LMO7: variants seen among roughly 807,000 people sequenced by gnomAD.
LMO7 encodes LIM domain only protein 7.
A neutral mutation model predicts 206.5 loss-of-function variants in LMO7; 120 were observed. That is an observed-to-expected ratio of 0.58 (90% confidence interval 0.50 to 0.68). The LOEUF is 0.68. Among genes scored for constraint, LMO7 ranks in the 30% least tolerant of loss-of-function variants. The pLI is 0.00. For missense variants in LMO7, 1,959 were observed against 1,957.9 expected, an observed-to-expected ratio of 1.00 and a Z score of -0.01; for synonymous variants, 706 against 681.5, an observed-to-expected ratio of 1.04 and a Z score of -0.56.
At chr13:75,624,600 TA>T (rs1279799206) in intron 2 of LMO7, among the ~76,000 whole-genome samples, 15 of 152,330 alleles carry the variant, frequency 9.8e-5, no homozygotes, top group African/African-American at 3.6e-4. Context: ...GAAAGAGGTT[TA>T]ATGGACTTAC....
At chr13:75,734,689 A>G (rs1242577727) in intron 3 of LMO7, among the ~76,000 whole-genome samples, 3 of 152,236 alleles carry the variant, frequency 2.0e-5, no homozygotes, top group African/African-American at 7.2e-5. Context: ...TCAAAATAAA[A>G]TATACATAAA....
intron 30 of LMO7, chr13:75,856,855 T>A (rs1343026740): frequency 5.5e-6 from 2 of 361,022 alleles, no homozygotes; most frequent in African/African-American, 4.2e-5. Context: ...AAAGTCAGGA[T>A]GGTGTCTTGT....
rs185108401 is a variant in LMO7, at chr13:75,849,241, G to A, written c.4313G>A (p.Arg1438His). The change falls in exon 27 of 31, where the codon CGC (arginine) becomes CAC (histidine). Residue 1438 changes from arginine (R) to histidine (H), a missense_variant. Arg to His is a conservative substitution (Grantham distance 29, BLOSUM62 0). Transcript: ENST00000377534. ...LHNDNSWIRQ[R>H]SASVNKEPVS... is the part of the protein sequence containing the mutation. ...AATGACAACAGCTGGATCCGACAGC[G>A]CAGTGCCAGTGTCAACAAAGAGCCT... 1.8e-5 allele frequency: 29 copies of A among 1,614,114 alleles called. No individual in the cohort carries two copies. The East Asian group carries it at 2.7e-4, about 15-fold the overall frequency.
intron 4 of LMO7, among the ~76,000 whole-genome samples, chr13:75,769,989 A>G (rs145028988): frequency 1.3e-5 from 2 of 152,104 alleles, no homozygotes; most frequent in Non-Finnish European, 2.9e-5. Flanking sequence ...AGAAATAAAA[A>G]TCTCTAACCC....
At chr13:75,849,570 A>G (rs181265923) in intron 27 of LMO7, among the ~76,000 whole-genome samples, 74 of 151,634 alleles carry the variant, frequency 4.9e-4, no homozygotes, top group Non-Finnish European at 9.1e-4. Flanking sequence ...TGGTTAATAG[A>G]TTGCAAATCT....
intron 17 of LMO7, 92 bp from the exon 18 acceptor site, chr13:75,835,141 G>A (rs2059016599): frequency 1.9e-6 from 3 of 1,552,496 alleles, no homozygotes; most frequent in South Asian, 2.5e-5. Context: ...TGATCTTCAT[G>A]TGCCAATCAG....
intron 1 of LMO7, among the ~76,000 whole-genome samples, chr13:75,647,001 C>G (rs2037084904): frequency 6.6e-6 from 1 of 152,158 alleles, no homozygotes; most frequent in Admixed American, 6.5e-5. Flanking sequence ...CCATTATCTT[C>G]CCTTGTCACT....
At chr13:75,700,689 C>T (rs2042229328) in intron 1 of LMO7, among the ~76,000 whole-genome samples, 1 of 152,182 alleles carries the variant, frequency 6.6e-6, no homozygotes, top group Non-Finnish European at 1.5e-5. Flanking sequence ...TGGTCAACAG[C>T]CGATCTGCAA....
intron 4 of LMO7, among the ~76,000 whole-genome samples, chr13:75,778,357 C>CG (rs1253638801): frequency 6.6e-6 from 1 of 152,038 alleles, no homozygotes; most frequent in Non-Finnish European, 1.5e-5. Context: ...CTCAGCCTCC[C>CG]GAGTAGCTGG....
At chr13:75,751,382 G>A (rs530789845) in intron 3 of LMO7, among the ~76,000 whole-genome samples, 1 of 151,910 alleles carries the variant, frequency 6.6e-6, no homozygotes, top group East Asian at 1.9e-4. Context: ...GGATGGTTTC[G>A]ATCTCCTGAC....
chr13:75,699,899 A>T (rs944516963), intron 1 of LMO7, among the ~76,000 whole-genome samples: 21 of 152,186 alleles, frequency 1.4e-4, no homozygotes, highest in Non-Finnish European at 1.8e-4. Flanking sequence ...GGCGTATTTT[A>T]TCCCTTATCT....
intron 3 of LMO7, among the ~76,000 whole-genome samples, chr13:75,748,487 G>A (rs2047026963): frequency 6.6e-6 from 1 of 152,166 alleles, no homozygotes; most frequent in Non-Finnish European, 1.5e-5. Flanking sequence ...AAGATAATTA[G>A]CATAAAGTGG....
intron 1 of LMO7, among the ~76,000 whole-genome samples, chr13:75,705,241 A>G (rs1267991338): frequency 6.6e-6 from 1 of 152,206 alleles, no homozygotes; most frequent in Admixed American, 6.5e-5. Context: ...CTTTTTTCCC[A>G]GAGGAGTCGA....
At chr13:75,709,429 TC>T (rs1191883057) in intron 1 of LMO7, among the ~76,000 whole-genome samples, 1 of 151,904 alleles carries the variant, frequency 6.6e-6, no homozygotes, top group Admixed American at 6.5e-5. Context: ...GTAAAAGTGT[TC>T]CTATTTCTCC....
At chr13:75,652,514 C>G (rs1188800470) in intron 1 of LMO7, among the ~76,000 whole-genome samples, 1 of 152,070 alleles carries the variant, frequency 6.6e-6, no homozygotes, top group Admixed American at 6.6e-5. Context: ...TTCTGAGTCT[C>G]TTTGCTCTTG....
intron 1 of LMO7, among the ~76,000 whole-genome samples, chr13:75,666,159 C>G (rs1247628408): frequency 6.6e-6 from 1 of 152,070 alleles, no homozygotes; most frequent in Non-Finnish European, 1.5e-5. Context: ...CATGTAACAG[C>G]AAAATACTTT....
chr13:75,722,936 A>G (rs369544865), intron 2 of LMO7, among the ~76,000 whole-genome samples: 2 of 152,322 alleles, frequency 1.3e-5, no homozygotes, highest in East Asian at 1.9e-4. Context: ...CAAATATTAT[A>G]TGTTCTCACT....
At chr13:75,781,949 C>T (rs2051532840) in intron 4 of LMO7, among the ~76,000 whole-genome samples, 1 of 151,996 alleles carries the variant, frequency 6.6e-6, no homozygotes. Context: ...CTGTTCATAT[C>T]CTTTGCCCAC....
At chr13:75,839,125 A>G (rs2059377680) in intron 20 of LMO7, among the ~76,000 whole-genome samples, 1 of 152,234 alleles carries the variant, frequency 6.6e-6, no homozygotes. Flanking sequence ...CTTACCAGCT[A>G]TGCAAGTCTA....
Sources: allele counts gnomAD v4.1 joint callset (sites outside exome capture counted in the v4.1 genomes callset), GRCh38; gene constraint gnomAD v4.1.1; transcripts MANE v1.5; gene names NCBI Gene and HGNC (gene_info 2026-07-23, HGNC 2026-07-21).